The following KRI1 variants were observed in gnomAD, a reference collection of about 807,000 sequenced individuals.
KRI1 encodes the protein protein KRI1 homolog.
A neutral mutation model predicts 97.0 loss-of-function variants in KRI1; 83 were observed. The ratio of observed to expected loss-of-function variants is 0.86; its 90% CI spans 0.72 to 1.03. The LOEUF is 1.03. Ranked by LOEUF, KRI1 falls within the 50% of genes least tolerant of loss-of-function variation. The pLI is 0.00. For synonymous variants in KRI1, 371 were observed against 363.5 expected, an observed-to-expected ratio of 1.02 and a Z score of -0.23; for missense variants, 916 against 928.4, an observed-to-expected ratio of 0.99 and a Z score of 0.17.
At position 10,559,918 on chromosome 19, in the gene KRI1, G is replaced by T; in HGVS notation, c.819C>A (p.Val273=). The change falls in exon 10 of 19, where the codon GTC becomes GTA. Residue 273 remains valine, a synonymous_variant. Coordinates refer to ENST00000312962, the MANE Select transcript of KRI1 (RefSeq NM_023008.5). The part of the protein sequence containing the change: ...EEEEGVHGPP[V]QLAVDDSSDE... ...CTGAGGAGTCGTCCACAGCCAGCTG[G>T]ACTGGGGGACCGTGGACCCTGAGGG... The T allele has an allele frequency of 1.2e-6, 2 of 1,612,160 alleles. No homozygotes were observed. Among genetic ancestry groups the T allele is most frequent in the Non-Finnish European group, 8.5e-7 (1 of 1,179,930 alleles).
Position 10,554,251 on chromosome 19 carries a change from C to T in KRI1, c.1812G>A (p.Lys604=), listed in dbSNP as rs1364236022. The T allele has an allele frequency of 6.2e-7, 1 of 1,613,832 alleles. No individual in the cohort carries two copies. The highest frequency in any genetic ancestry group is 1.7e-5 in the Admixed American group (1 of 59,986). The change falls in exon 19 of 19, where the codon AAG becomes AAA. Residue 604 remains lysine (K), a synonymous_variant. Coordinates refer to ENST00000312962, the MANE Select transcript of KRI1 (RefSeq NM_023008.5). ...GTGGGCCGGCTTCATCTCTCTGTGG[C>T]TTCCCTGTGGCTTCCGCAGGTGTCT... ...EAETPAEATG[K]PQRDEAGPQR...
At chr19:10,554,322 A>G in intron 18 of KRI1, 41 bp from the exon 19 acceptor site, 1 of 1,543,908 alleles carries the variant, frequency 6.5e-7, no homozygotes, top group Non-Finnish European at 8.9e-7. Flanking sequence ...GCCTGTCAAG[A>G]TCAGGCCCAT....
intron 4 of KRI1, among the ~76,000 whole-genome samples, chr19:10,562,075 G>T (rs983146802): frequency 1.3e-5 from 2 of 150,918 alleles, no homozygotes; most frequent in African/African-American, 4.9e-5. Flanking sequence ...TGGAGCCAGG[G>T]TCTCGCTCTA....
chr19:10,555,193 C>T lies in KRI1; in HGVS notation c.1683-8G>A, dbSNP rs1399878341. 3 of 1,487,874 alleles carry T rather than the reference C, an allele frequency of 2.0e-6. No individual in the cohort carries two copies. The African/African-American group carries it at 4.5e-5, about 22-fold the overall frequency. The allele number at this position is 1,487,874 out of a possible 1,614,324, so 92.2% of individuals were successfully genotyped here. A position where few individuals can be genotyped will look rare whatever the true frequency, so the allele number is the denominator to read the frequency against. On this transcript the variant is annotated splice_polypyrimidine_tract_variant and splice_region_variant and intron_variant, in intron 17 of 18. Transcript: ENST00000312962. ...AGCTCCTCCTGCTCTGACCTGCAGA[C>T]AGATGCCCCTGTGTTGGGTGCTCTG...
chr19:10,557,640 A>G lies in KRI1; in HGVS notation c.1529T>C (p.Leu510Pro). The G allele has an allele frequency of 1.9e-6, 3 of 1,614,170 alleles. No homozygotes were observed. The South Asian group carries it at 3.3e-5, about 18-fold the overall frequency. ...FEEYLDEYYR[L>P]DYEDIIDDLP... ...GTCGTCGATGATGTCCTCGTAGTCCAGCCGGTAATACTCATCCAGGTACTC... is the reference window on the plus strand; with the variant it reads ...GTCGTCGATGATGTCCTCGTAGTCCGGCCGGTAATACTCATCCAGGTACTC... The change falls in exon 16 of 19, where the codon CTG (leucine) becomes CCG (proline). Residue 510 changes from leucine (L) to proline (P), a missense_variant. By Grantham distance (98) the Leu-to-Pro change is moderately conservative. Coordinates refer to ENST00000312962, the MANE Select transcript of KRI1 (RefSeq NM_023008.5).
rs768741056 is a variant in KRI1, at chr19:10,559,864, C to T, written c.873G>A (p.Gln291=). The change falls in exon 10 of 19, where the codon CAG becomes CAA. Residue 291 remains glutamine, a synonymous_variant. Coordinates refer to ENST00000312962, the MANE Select transcript of KRI1 (RefSeq NM_023008.5). The part of the protein sequence containing the change: ...SDEGELFLKK[Q]EDFEQKYNFR... ...AATTGTACTTCTGTTCAAAGTCCTC[C>T]TGTTTCTTCAGAAACAGCTCCCCTT... The T allele has an allele frequency of 2.5e-6, 4 of 1,613,752 alleles. No individual in the cohort carries two copies. The highest frequency in any genetic ancestry group is 2.2e-5 in the East Asian group (1 of 44,898).
Position 10,557,570 on chromosome 19 carries a change from A to G in KRI1, c.1599T>C (p.Phe533=), listed in dbSNP as rs1166114556. The change falls in exon 16 of 19, where the codon TTT becomes TTC. Residue 533 remains phenylalanine, a synonymous_variant. Transcript: ENST00000312962. ...CCCCTACCTCCTCAGTGCTGAGGCC[A>G]AAGTCACAGGGCACCACTGTGCGGT... The part of the protein sequence containing the change: ...FKYRTVVPCD[F]GLSTEEILAA... The G allele has an allele frequency of 2.5e-6, 4 of 1,614,052 alleles. No individual in the cohort carries two copies. Among genetic ancestry groups the G allele is most frequent in the Non-Finnish European group, 3.4e-6 (4 of 1,179,944 alleles).
chr19:10,555,068 C>T lies in KRI1; in HGVS notation c.1781+19G>A. ...CTGACAGGCTCCCCACCCACGCTTC[C>T]CCAGCCAGCACTGCTTACTCTTCTC... On this transcript the variant is annotated intron_variant, in intron 18 of 18. Coordinates refer to ENST00000312962, the MANE Select transcript of KRI1 (RefSeq NM_023008.5). The T allele has an allele frequency of 8.1e-6, 13 of 1,606,542 alleles. No individual in the cohort carries two copies. Among genetic ancestry groups the T allele is most frequent in the Non-Finnish European group, 1.1e-5 (13 of 1,173,978 alleles).
intron 6 of KRI1, 95 bp downstream of exon 6, chr19:10,561,572 A>G (rs911241167): frequency 2.2e-5 from 26 of 1,204,982 alleles, no homozygotes; most frequent in Non-Finnish European, 3.1e-5. Flanking sequence ...ACTGAAGCAC[A>G]TAGAAAGTGA....
At position 10,553,143 on chromosome 19, in the gene KRI1, T is replaced by G. The variant is rs995773889; in HGVS notation, c.*808A>C. On this transcript the variant is annotated 3_prime_UTR_variant, in exon 19 of 19. Coordinates refer to ENST00000312962, the MANE Select transcript of KRI1 (RefSeq NM_023008.5). ...TCATGTCGGGTGTGGGATCTTGAGC[T>G]CTGGCAGTGATGATGGTACTTCCTG... 2.7e-5 allele frequency: 40 copies of G among 1,461,030 alleles called. No individual in the cohort carries two copies. The highest frequency in any genetic ancestry group is 3.6e-5 in the Non-Finnish European group (40 of 1,100,620). 90.5% of individuals were successfully genotyped at this position (1,461,030 alleles called of 1,614,324 possible).
Position 10,560,307 on chromosome 19 carries a change from C to T in KRI1, c.800+5G>A. ...TCTAGGTCCTGGGGAGATGCAGTGG[C>T]TCACCCCTCCTCTTCCTCCATTTCC... On this transcript the variant is annotated splice_donor_5th_base_variant and intron_variant, in intron 9 of 18. Transcript: ENST00000312962. 6.2e-7 allele frequency: 1 copy of T among 1,600,330 alleles called. No homozygotes were observed.
At chr19:10,560,583 C>T (rs372656293) in intron 8 of KRI1, 135 bp from the exon 9 acceptor site, 7 of 641,652 alleles carry the variant, frequency 1.1e-5, no homozygotes, top group African/African-American at 3.7e-5. Flanking sequence ...ATTTTTATTT[C>T]GAGACAGGGT....
At chr19:10,559,206 T>C (rs1916612511) in intron 12 of KRI1, among the ~76,000 whole-genome samples, 153 bp downstream of exon 12, 1 of 152,008 alleles carries the variant, frequency 6.6e-6, no homozygotes, top group East Asian at 1.9e-4. Context: ...GGTTTTACCA[T>C]GTTGGCCAGG....
At chr19:10,560,907 A>G in intron 8 of KRI1, 96 bp downstream of exon 8, 1 of 935,204 alleles carries the variant, frequency 1.1e-6, no homozygotes, top group Non-Finnish European at 1.7e-6. Context: ...CCAGAGATGT[A>G]CATATCCCAT....
chr19:10,560,012 C>G lies in KRI1; in HGVS notation c.801-76G>C, dbSNP rs910055121. The G allele has an allele frequency of 7.1e-6, 11 of 1,542,138 alleles. No individual in the cohort carries two copies. The South Asian group carries it at 9.2e-5, about 13-fold the overall frequency. ...CCCCCCTTTCCTGCACGCCTGGGTACGAAGCGTATGAACTCATTTAATCCT... is the reference window on the plus strand; with the variant it reads ...CCCCCCTTTCCTGCACGCCTGGGTAGGAAGCGTATGAACTCATTTAATCCT... On this transcript the variant is annotated intron_variant, in intron 9 of 18. Coordinates refer to ENST00000312962, the MANE Select transcript of KRI1 (RefSeq NM_023008.5).
chr19:10,555,106 TGAA>T lies in KRI1; in HGVS notation c.1759_1761del (p.Phe587del). ...GCTTACTCTTCTCGGCAGAGTGACTTGAAGACCTGCCGCTTTTTCCATGAGTTC... is the reference window on the plus strand; with the variant it reads ...GCTTACTCTTCTCGGCAGAGTGACTTGACCTGCCGCTTTTTCCATGAGTTC... On this transcript the variant is annotated inframe_deletion, in exon 18 of 19. Coordinates refer to ENST00000312962, the MANE Select transcript of KRI1 (RefSeq NM_023008.5). 6.2e-7 allele frequency: 1 copy of T among 1,614,088 alleles called. No homozygotes were observed. The highest frequency in any genetic ancestry group is 8.5e-7 in the Non-Finnish European group (1 of 1,179,976).
At chr19:10,554,367 A>G (rs756280713) in intron 18 of KRI1, 86 bp from the exon 19 acceptor site, 46 of 1,204,576 alleles carry the variant, frequency 3.8e-5, no homozygotes, top group Non-Finnish European at 5.3e-5. Context: ...ACAGACAGGG[A>G]AAGGAGGGGC....
intron 8 of KRI1, 38 bp downstream of exon 8, chr19:10,560,965 G>A (rs369787658): frequency 3.0e-5 from 45 of 1,485,090 alleles, no homozygotes; most frequent in Non-Finnish European, 3.6e-5. Flanking sequence ...CGCGGAACAC[G>A]CGGTCTACTC....
intron 4 of KRI1, among the ~76,000 whole-genome samples, chr19:10,562,348 C>A (rs1260707174): frequency 6.6e-6 from 1 of 151,582 alleles, no homozygotes; most frequent in Non-Finnish European, 1.5e-5. Context: ...CCATGCCCGG[C>A]CTTTTTTCTT....
Sources: allele counts gnomAD v4.1 joint callset (sites outside exome capture counted in the v4.1 genomes callset), GRCh38; gene constraint gnomAD v4.1.1; transcripts MANE v1.5; gene names NCBI Gene and HGNC (gene_info 2026-07-23, HGNC 2026-07-21).